Variants in NEK1 observed in about 807,000 individuals in gnomAD.
The protein encoded by NEK1 is NIMA related kinase 1.
Under a neutral mutation model 182.1 loss-of-function variants are expected in NEK1, and 137 were observed. The observed-to-expected ratio is 0.75, with a 90% CI of 0.65 to 0.87. The LOEUF is 0.87. Among genes scored for constraint, NEK1 ranks in the 40% least tolerant of loss-of-function variants. The pLI is 0.00. For synonymous variants in NEK1, 513 were observed against 492.2 expected (o/e 1.04, Z -0.56); for missense variants, 1,391 against 1,494.4 (o/e 0.93, Z 1.14).
At chr4:169,550,558 T>C (rs1177336199) in intron 18 of NEK1, among the ~76,000 whole-genome samples, 1 of 152,158 alleles carries the variant, frequency 6.6e-6, no homozygotes, top group Admixed American at 6.5e-5. Context: ...AAATAATAAT[T>C]CCTGCCTCAC....
At position 169,561,873 on chromosome 4, in the gene NEK1, TTC is replaced by T. The variant is rs1762964297; in HGVS notation, c.1097_1098del (p.Arg366LysfsTer6). The T allele has an allele frequency of 1.9e-6, 3 of 1,607,656 alleles. No homozygotes were observed. The highest frequency in any genetic ancestry group is 2.5e-6 in the Non-Finnish European group (3 of 1,177,862). On this transcript the variant is annotated frameshift_variant, in exon 14 of 36. Coordinates refer to ENST00000507142, the MANE Select transcript of NEK1 (RefSeq NM_001199397.3). LOFTEE classifies it high-confidence loss of function. Reference sequence around the variant, plus strand: ...TTTTCTTTTTCAATAAATTCCAGCCTTCTCTTTCTTGCTGCTTCCTTAAATAA... The same window carrying T: ...TTTTCTTTTTCAATAAATTCCAGCCTTCTTTCTTGCTGCTTCCTTAAATAA... ...RKISEEAARK[R>X]RLEFIEKEKK...
chr4:169,459,898 C>G (rs1198632794), intron 27 of NEK1, among the ~76,000 whole-genome samples: 6 of 152,012 alleles, frequency 3.9e-5, no homozygotes, highest in Admixed American at 6.5e-5. Flanking sequence ...ATAATATAAG[C>G]AGAGCACAGG....
At chr4:169,501,218 T>C (rs1752361931) in intron 23 of NEK1, among the ~76,000 whole-genome samples, 1 of 152,202 alleles carries the variant, frequency 6.6e-6, no homozygotes, top group Non-Finnish European at 1.5e-5. Context: ...CCTAAATATG[T>C]ACATGCCCAA....
chr4:169,597,188 A>ATTG (rs1406126150), intron 5 of NEK1, among the ~76,000 whole-genome samples: 1 of 152,232 alleles, frequency 6.6e-6, no homozygotes. Context: ...ATATACTAAC[A>ATTG]TACATTACTA....
intron 23 of NEK1, among the ~76,000 whole-genome samples, chr4:169,487,492 C>T (rs906150580): frequency 7.2e-5 from 11 of 152,174 alleles, no homozygotes; most frequent in Non-Finnish European, 1.3e-4. Flanking sequence ...AGGACATGTT[C>T]TTGTTCCTTT....
intron 27 of NEK1, among the ~76,000 whole-genome samples, chr4:169,456,024 C>T (rs1308511146): frequency 6.6e-6 from 1 of 152,036 alleles, no homozygotes; most frequent in Admixed American, 6.6e-5. Flanking sequence ...CTTCTCTGAC[C>T]ACAATGGAAG....
At chr4:169,602,154 C>A (rs753222274) in intron 3 of NEK1, 50 bp from the exon 4 acceptor site, 1 of 1,313,510 alleles carries the variant, frequency 7.6e-7, no homozygotes. Flanking sequence ...TAATAAACAA[C>A]CTAAAAGTCC....
chr4:169,514,435 T>C (rs1447215944), intron 19 of NEK1, among the ~76,000 whole-genome samples: 2 of 152,230 alleles, frequency 1.3e-5, no homozygotes, highest in African/African-American at 4.8e-5. Context: ...GATTGTAGTG[T>C]TGTATCAAAT....
intron 12 of NEK1, among the ~76,000 whole-genome samples, chr4:169,576,234 G>A (rs1444681023): frequency 6.6e-6 from 1 of 151,998 alleles, no homozygotes; most frequent in Non-Finnish European, 1.5e-5. Context: ...CAAAGTGCTG[G>A]GATTACAGGC....
At chr4:169,466,546 A>C (rs1430791200) in intron 26 of NEK1, among the ~76,000 whole-genome samples, 1 of 152,120 alleles carries the variant, frequency 6.6e-6, no homozygotes, top group African/African-American at 2.4e-5. Context: ...TCAATTTAGA[A>C]TTCTATGTCT....
chr4:169,467,816 A>G (rs1004804924), intron 26 of NEK1, among the ~76,000 whole-genome samples: 5 of 152,068 alleles, frequency 3.3e-5, no homozygotes, highest in Non-Finnish European at 5.9e-5. Context: ...TTAGACTGCA[A>G]TCCCATTGTA....
At position 169,426,240 on chromosome 4, in the gene NEK1, A is replaced by G. The variant is rs749789136; in HGVS notation, c.2886-6T>C. ...TGGTGATCCTATCTGCCGACCTGCC[A>G]CAGATGGGTACACCAATTAAAAACA... On this transcript the variant is annotated splice_region_variant and splice_polypyrimidine_tract_variant and intron_variant, in intron 29 of 35. Coordinates refer to ENST00000507142, the MANE Select transcript of NEK1 (RefSeq NM_001199397.3). 2 of 1,610,062 alleles carry G rather than the reference A, an allele frequency of 1.2e-6. No homozygotes were observed. The highest frequency in any genetic ancestry group is 2.2e-5 in the South Asian group (2 of 90,426).
At chr4:169,528,441 A>G (rs2149780997) in intron 19 of NEK1, among the ~76,000 whole-genome samples, 1 of 152,318 alleles carries the variant, frequency 6.6e-6, no homozygotes, top group South Asian at 2.1e-4. Flanking sequence ...AAATTCTCTC[A>G]CTAACATGAA....
chr4:169,524,540 A>T (rs1323710931), intron 19 of NEK1, among the ~76,000 whole-genome samples: 2 of 152,156 alleles, frequency 1.3e-5, no homozygotes, highest in African/African-American at 4.8e-5. Context: ...ATAATACTCA[A>T]ATCAAACAGA....
rs967460870 is a variant in NEK1 at position 169,585,520 on chromosome 4, T to C, written c.636A>G (p.Val212=). Residue 212 remains valine (V), a synonymous_variant, in exon 10 of 36, where the codon GTA becomes GTG. Transcript: ENST00000507142. ...AFEAGSMKNL[V]LKIISGSFPP... ...GAAAAGATCCAGATATTATCTTCAG[T>C]ACCAGGTTTTTCATACTGCCAGCTT... The C allele has an allele frequency of 2.5e-6, 4 of 1,612,900 alleles. No individual in the cohort carries two copies. The highest frequency in any genetic ancestry group is 3.4e-6 in the Non-Finnish European group (4 of 1,179,312).
chr4:169,427,999 T>G (rs1736700284), intron 29 of NEK1, among the ~76,000 whole-genome samples: 1 of 151,440 alleles, frequency 6.6e-6, no homozygotes, highest in Non-Finnish European at 1.5e-5. Context: ...TTTTTTTTTT[T>G]TCTGTAGAGG....
chr4:169,585,885 C>T (rs899802909), intron 9 of NEK1, among the ~76,000 whole-genome samples: 1 of 152,032 alleles, frequency 6.6e-6, no homozygotes, highest in Non-Finnish European at 1.5e-5. Flanking sequence ...AGAAAAAGAA[C>T]AACCTGCTGG....
intron 23 of NEK1, among the ~76,000 whole-genome samples, chr4:169,488,024 G>GT (rs1402593704): frequency 6.6e-6 from 1 of 151,640 alleles, no homozygotes; most frequent in Non-Finnish European, 1.5e-5. Context: ...GGACATTTTT[G>GT]TTTTTTTCTT....
rs1169358983 is a variant in NEK1, at chr4:169,507,036, C to G, written c.2007+1G>C. ...GATTAAGAATATGAGCTAAATCTTA[C>G]ATGCTCTTCCCACACTTTTTTTTCT... On this transcript the variant is annotated splice_donor_variant, in intron 23 of 35. Coordinates refer to ENST00000507142, the MANE Select transcript of NEK1 (RefSeq NM_001199397.3). LOFTEE classifies it high-confidence loss of function. 6.2e-7 allele frequency: 1 copy of G among 1,600,060 alleles called. No individual in the cohort carries two copies. Among genetic ancestry groups the G allele is most frequent in the Non-Finnish European group, 8.5e-7 (1 of 1,171,274 alleles).
Sources: allele counts gnomAD v4.1 joint callset (sites outside exome capture counted in the v4.1 genomes callset), GRCh38; gene constraint gnomAD v4.1.1; transcripts MANE v1.5; gene names NCBI Gene and HGNC (gene_info 2026-07-23, HGNC 2026-07-21).